VTI1A: variants seen among roughly 807,000 people sequenced by gnomAD.
VTI1A encodes the protein vesicle transport through interaction with t-SNAREs homolog 1A.
Under a neutral mutation model 34.9 loss-of-function variants are expected in VTI1A, and 22 were observed. That is an observed-to-expected ratio of 0.63 (90% CI 0.45 to 0.90). VTI1A has a LOEUF of 0.90. Among genes scored for constraint, VTI1A ranks in the 40% least tolerant of loss-of-function variants. The probability of loss-of-function intolerance (pLI) is 0.00; values close to 1 mark genes in which losing one functional copy is unlikely to be tolerated. For synonymous variants in VTI1A, 87 were observed against 97.3 expected, an observed-to-expected ratio of 0.89 and a Z score of 0.62; for missense variants, 268 against 275.6, an observed-to-expected ratio of 0.97 and a Z score of 0.20.
At chr10:112,519,617 G>T (rs1589855824) in intron 3 of VTI1A, among the ~76,000 whole-genome samples, 1 of 152,076 alleles carries the variant, frequency 6.6e-6, no homozygotes, top group East Asian at 1.9e-4. Context: ...AATGAAGGTA[G>T]GGGGACTCCA....
intron 3 of VTI1A, among the ~76,000 whole-genome samples, chr10:112,481,420 A>G (rs1848453659): frequency 6.6e-6 from 1 of 152,210 alleles, no homozygotes; most frequent in African/African-American, 2.4e-5. Flanking sequence ...TCTTTGGCCT[A>G]CCTTAAGCCA....
At chr10:112,589,530 A>G (rs1287353986) in intron 5 of VTI1A, among the ~76,000 whole-genome samples, 1 of 152,160 alleles carries the variant, frequency 6.6e-6, no homozygotes, top group Non-Finnish European at 1.5e-5. Flanking sequence ...CGTGAAAACG[A>G]ACTAATACAG....
intron 7 of VTI1A, among the ~76,000 whole-genome samples, chr10:112,765,501 C>T (rs1043127936): frequency 6.6e-6 from 1 of 152,218 alleles, no homozygotes; most frequent in Non-Finnish European, 1.5e-5. Context: ...TGAGCCACCT[C>T]ACCTGGTGTG....
intron 7 of VTI1A, among the ~76,000 whole-genome samples, chr10:112,805,039 A>G (rs1045317283): frequency 3.5e-4 from 52 of 147,598 alleles, no homozygotes; most frequent in African/African-American, 1.1e-3. Context: ...TTTTTTTTTT[A>G]CTTTTTGTAG....
the VTI1A span, among the ~76,000 whole-genome samples, chr10:112,854,778 G>C: frequency 1.3e-5 from 2 of 152,188 alleles, no homozygotes; most frequent in Non-Finnish European, 2.9e-5. Context: ...ATCGGGAAGC[G>C]ATAAGAAGGA....
chr10:112,781,978 A>G (rs1435269025), intron 7 of VTI1A, among the ~76,000 whole-genome samples: 1 of 152,104 alleles, frequency 6.6e-6, no homozygotes, highest in Non-Finnish European at 1.5e-5. Context: ...TTGCACACCT[A>G]ACTCCTTCCA....
intron 4 of VTI1A, 133 bp downstream of exon 4, chr10:112,527,297 C>T: frequency 1.6e-6 from 1 of 634,320 alleles, no homozygotes; most frequent in Non-Finnish European, 2.7e-6. Context: ...TAATGCAAAG[C>T]TGGAGTCTTA....
At chr10:112,741,751 G>A (rs192279836) in intron 7 of VTI1A, among the ~76,000 whole-genome samples, 3 of 152,128 alleles carry the variant, frequency 2.0e-5, no homozygotes, top group East Asian at 1.9e-4. Flanking sequence ...TTTTACCAGC[G>A]TAGAAAAAAG....
chr10:112,451,956 CATT>C (rs566821745), intron 1 of VTI1A, among the ~76,000 whole-genome samples: 20 of 152,254 alleles, frequency 1.3e-4, no homozygotes, highest in African/African-American at 3.8e-4. Flanking sequence ...AAATTAAAAA[CATT>C]ATTAAAACTA....
chr10:112,702,106 G>C (rs1369058853), intron 7 of VTI1A, among the ~76,000 whole-genome samples: 2 of 152,150 alleles, frequency 1.3e-5, no homozygotes, highest in Non-Finnish European at 2.9e-5. Flanking sequence ...GGTGGACTTT[G>C]GGTAGGGCTG....
chr10:112,747,041 A>G (rs757270112), intron 7 of VTI1A, among the ~76,000 whole-genome samples: 6 of 152,218 alleles, frequency 3.9e-5, no homozygotes. Flanking sequence ...CACACAGCCA[A>G]CAAGTGGTGG....
At chr10:112,800,615 G>A (rs1409617708) in intron 7 of VTI1A, among the ~76,000 whole-genome samples, 1 of 152,230 alleles carries the variant, frequency 6.6e-6, no homozygotes, top group Admixed American at 6.5e-5. Context: ...ACAGAATGCT[G>A]CTATTATTGG....
intron 5 of VTI1A, among the ~76,000 whole-genome samples, chr10:112,623,072 G>A (rs1039041866): frequency 6.6e-6 from 1 of 152,140 alleles, no homozygotes; most frequent in Admixed American, 6.5e-5. Context: ...TTTTAATGGG[G>A]CCTTTTTAGC....
At chr10:112,478,238 CCAGG>C in intron 3 of VTI1A, among the ~76,000 whole-genome samples, 1 of 152,234 alleles carries the variant, frequency 6.6e-6, no homozygotes, top group East Asian at 1.9e-4. Context: ...TCAGAAAAGC[CCAGG>C]CAGTGTAGAT....
At chr10:112,783,629 A>C (rs1423979819) in intron 7 of VTI1A, among the ~76,000 whole-genome samples, 1 of 152,238 alleles carries the variant, frequency 6.6e-6, no homozygotes, top group Non-Finnish European at 1.5e-5. Context: ...CAACAGCTTC[A>C]GTAATATAAT....
intron 1 of VTI1A, among the ~76,000 whole-genome samples, chr10:112,453,222 T>C (rs1847306311): frequency 6.6e-6 from 1 of 152,192 alleles, no homozygotes; most frequent in Admixed American, 6.5e-5. Context: ...AGCATCATTT[T>C]CACCACATAC....
intron 5 of VTI1A, among the ~76,000 whole-genome samples, chr10:112,581,034 A>G (rs934067354): frequency 2.0e-5 from 3 of 152,170 alleles, no homozygotes; most frequent in East Asian, 3.9e-4. Context: ...CATTTCCCAC[A>G]TGCACCCTGC....
intron 5 of VTI1A, among the ~76,000 whole-genome samples, chr10:112,581,174 A>G (rs975255307): frequency 2.6e-5 from 4 of 152,284 alleles, no homozygotes; most frequent in Non-Finnish European, 5.9e-5. Flanking sequence ...TAGTCCAGGT[A>G]TGAATTCACT....
At chr10:112,508,154 G>A (rs1033045523) in intron 3 of VTI1A, among the ~76,000 whole-genome samples, 4 of 152,292 alleles carry the variant, frequency 2.6e-5, no homozygotes, top group African/African-American at 4.8e-5. Flanking sequence ...TGAACAAACC[G>A]TTTCTAGGAG....
Sources: allele counts gnomAD v4.1 joint callset (sites outside exome capture counted in the v4.1 genomes callset), GRCh38; gene constraint gnomAD v4.1.1; transcripts MANE v1.5; gene names NCBI Gene and HGNC (gene_info 2026-07-23, HGNC 2026-07-21).